The following DGKB variants were observed in gnomAD, a reference collection of about 807,000 sequenced individuals.
The protein encoded by DGKB is 90 kDa diacylglycerol kinase.
In DGKB, 67 loss-of-function variants were observed where a neutral mutation model predicts 114.3. That is an observed-to-expected ratio of 0.59 (90% confidence interval 0.48 to 0.72). The LOEUF is 0.72. Among genes scored for constraint, DGKB ranks in the 30% least tolerant of loss-of-function variants. The probability of loss-of-function intolerance (pLI) is 0.00; values close to 1 mark genes in which losing one functional copy is unlikely to be tolerated. For synonymous variants in DGKB, 398 were observed against 323.1 expected (o/e 1.23, Z -2.49); for missense variants, 907 against 975.2 (o/e 0.93, Z 0.93).
chr7:14,544,659 T>C (rs1793999371), intron 20 of DGKB, among the ~76,000 whole-genome samples: 2 of 152,186 alleles, frequency 1.3e-5, no homozygotes, highest in Non-Finnish European at 2.9e-5. Context: ...GAAAAAATTC[T>C]CAATTATATT....
At chr7:14,275,521 C>T (rs1798868375) in intron 23 of DGKB, among the ~76,000 whole-genome samples, 1 of 152,110 alleles carries the variant, frequency 6.6e-6, no homozygotes, top group Admixed American at 6.5e-5. Flanking sequence ...ATTTAACAAG[C>T]ACTTAATTGC....
chr7:14,580,779 T>C, intron 19 of DGKB, 83 bp downstream of exon 19: 2 of 962,082 alleles, frequency 2.1e-6, no homozygotes, highest in South Asian at 1.7e-5. Flanking sequence ...CATATCGTTT[T>C]TGTTTCTTTT....
At chr7:14,323,518 A>C (rs1476538490) in intron 23 of DGKB, among the ~76,000 whole-genome samples, 1 of 152,198 alleles carries the variant, frequency 6.6e-6, no homozygotes, top group African/African-American at 2.4e-5. Flanking sequence ...GAATCAGAGA[A>C]AGCTTCTCTT....
chr7:14,447,227 A>C (rs2128827783), intron 21 of DGKB, among the ~76,000 whole-genome samples: 1 of 152,134 alleles, frequency 6.6e-6, no homozygotes, highest in Non-Finnish European at 1.5e-5. Flanking sequence ...TGAAAGAAAT[A>C]GAACTCAGCC....
chr7:14,752,929 G>C (rs1040336539), intron 4 of DGKB, among the ~76,000 whole-genome samples: 2 of 152,012 alleles, frequency 1.3e-5, no homozygotes, highest in Admixed American at 6.6e-5. Context: ...GTCCATATTT[G>C]GGGAAACAAG....
intron 21 of DGKB, among the ~76,000 whole-genome samples, chr7:14,459,345 A>T (rs933938150): frequency 2.0e-5 from 3 of 152,164 alleles, no homozygotes; most frequent in African/African-American, 7.2e-5. Flanking sequence ...AAGGAAGCAA[A>T]GAACCTTGAA....
chr7:14,563,508 T>TC (rs796357190), intron 20 of DGKB, among the ~76,000 whole-genome samples: 146 of 152,284 alleles, frequency 9.6e-4, no homozygotes, highest in African/African-American at 3.2e-3. Flanking sequence ...TTCCATGATT[T>TC]CTATTTGGTA....
chr7:14,258,672 G>GAAAT (rs1193947341), intron 23 of DGKB, among the ~76,000 whole-genome samples: 8 of 152,194 alleles, frequency 5.3e-5, no homozygotes, highest in Non-Finnish European at 7.3e-5. Context: ...AAGTGTTATG[G>GAAAT]AAATACGCAT....
At chr7:14,339,632 T>C (rs954817203) in intron 22 of DGKB, among the ~76,000 whole-genome samples, 2 of 152,074 alleles carry the variant, frequency 1.3e-5, no homozygotes, top group Non-Finnish European at 2.9e-5. Flanking sequence ...GACTATTCTG[T>C]ATTTTTAAAA....
At chr7:14,555,811 G>A (rs1304780199) in intron 20 of DGKB, among the ~76,000 whole-genome samples, 1 of 152,082 alleles carries the variant, frequency 6.6e-6, no homozygotes, top group Non-Finnish European at 1.5e-5. Flanking sequence ...CTACACACCC[G>A]CCAGCACCAT....
chr7:14,415,237 T>A (rs544518394), intron 21 of DGKB, among the ~76,000 whole-genome samples: 41 of 152,024 alleles, frequency 2.7e-4, no homozygotes, highest in Non-Finnish European at 5.1e-4. Context: ...TAACATTGAG[T>A]CAAATGACAT....
chr7:14,374,724 T>C (rs1055304500), intron 21 of DGKB, among the ~76,000 whole-genome samples: 1 of 152,216 alleles, frequency 6.6e-6, no homozygotes, highest in Non-Finnish European at 1.5e-5. Flanking sequence ...GGTTTCTCAA[T>C]CTCAATACTA....
chr7:14,737,043 C>T (rs1453172440), intron 4 of DGKB, among the ~76,000 whole-genome samples: 1 of 152,152 alleles, frequency 6.6e-6, no homozygotes, highest in Non-Finnish European at 1.5e-5. Flanking sequence ...GAAAATGGTA[C>T]TATTTTAAGT....
chr7:14,557,427 A>G (rs1440064521), intron 20 of DGKB, among the ~76,000 whole-genome samples: 1 of 152,030 alleles, frequency 6.6e-6, no homozygotes, highest in Non-Finnish European at 1.5e-5. Flanking sequence ...TCATTTTTTT[A>G]GGGGAGAAAA....
At chr7:14,188,154 A>T (rs1783722681) in intron 23 of DGKB, among the ~76,000 whole-genome samples, 1 of 152,174 alleles carries the variant, frequency 6.6e-6, no homozygotes, top group South Asian at 2.1e-4. Context: ...GCCCAGCCAG[A>T]GGAGGGGAAA....
At chr7:14,620,403 C>T (rs1807392047) in intron 15 of DGKB, among the ~76,000 whole-genome samples, 1 of 151,268 alleles carries the variant, frequency 6.6e-6, no homozygotes, top group Non-Finnish European at 1.5e-5. Context: ...ATTTAGGCAT[C>T]TTCTCTGTGC....
At position 14,746,949 on chromosome 7, in the gene DGKB, T is replaced by A. The variant is rs1276849404; in HGVS notation, c.168+6979A>T. Among the ~76,000 whole-genome samples the A allele has an allele frequency of 4.0e-5, 6 of 150,192 alleles. No individual in the cohort carries two copies. The South Asian group carries it at 1.3e-3, about 31-fold the overall frequency. Reference sequence around the variant, plus strand: ...AACAACTTTTATAAGGCAATAATTCTAAAAAAAAAATCTTCCTTTGAAAAA... The same window carrying A: ...AACAACTTTTATAAGGCAATAATTCAAAAAAAAAAATCTTCCTTTGAAAAA... On this transcript the variant is annotated intron_variant, in intron 4 of 25. Coordinates refer to ENST00000402815, the MANE Select transcript of DGKB (RefSeq NM_001350709.2).
chr7:14,713,113 C>T (rs1042487722), intron 6 of DGKB, among the ~76,000 whole-genome samples: 5 of 151,956 alleles, frequency 3.3e-5, no homozygotes, highest in African/African-American at 4.8e-5. Flanking sequence ...CAATTATGCC[C>T]ACACACGTAT....
intron 23 of DGKB, among the ~76,000 whole-genome samples, chr7:14,220,584 T>A (rs1244219149): frequency 6.6e-6 from 1 of 151,556 alleles, no homozygotes; most frequent in Non-Finnish European, 1.5e-5. Context: ...TTAATCTTTT[T>A]GAAATATTAT....
Sources: allele counts gnomAD v4.1 joint callset (sites outside exome capture counted in the v4.1 genomes callset), GRCh38; gene constraint gnomAD v4.1.1; transcripts MANE v1.5; gene names NCBI Gene and HGNC (gene_info 2026-07-23, HGNC 2026-07-21).